Variants in SYBU observed in about 807,000 individuals in gnomAD.
SYBU encodes the protein syntabulin, also known as GOLSYN A protein.
SYBU carries 21 observed loss-of-function variants against 35.9 expected under a neutral mutation model. The observed-to-expected ratio is 0.58, with a 90% CI of 0.41 to 0.84. The LOEUF is 0.84. SYBU is among the 40% of genes least tolerant of loss of function. The pLI, the probability that SYBU is intolerant of heterozygous loss-of-function variation, is 0.00. For missense variants in SYBU, 768 were observed against 848.2 expected, an observed-to-expected ratio of 0.91 and a Z score of 1.17; for synonymous variants, 319 against 324.3, an observed-to-expected ratio of 0.98 and a Z score of 0.18.
intron 3 of SYBU, among the ~76,000 whole-genome samples, chr8:109,616,881 G>A (rs1166640979): frequency 6.6e-6 from 1 of 152,038 alleles, no homozygotes; most frequent in Non-Finnish European, 1.5e-5. Flanking sequence ...GCTCATGCCT[G>A]TAATCCCAGC....
At position 109,575,308 on chromosome 8, in the gene SYBU, C is replaced by T. The variant is rs1325137165; in HGVS notation, c.1590G>A (p.Glu530=). The part of the protein sequence containing the change: ...SPDESEPDSM[E]SFPESLSALV... ...AGGCAGAGAGGGACTCTGGGAAGCTCTCCATCGAGTCTGGTTCAGACTCAT... is the reference window on the plus strand; with the variant it reads ...AGGCAGAGAGGGACTCTGGGAAGCTTTCCATCGAGTCTGGTTCAGACTCAT... The change falls in exon 7 of 7, where the codon GAG becomes GAA. Residue 530 remains glutamate (E), a synonymous_variant. Transcript: ENST00000276646. The T allele has an allele frequency of 9.3e-6, 15 of 1,614,102 alleles. No individual in the cohort carries two copies. In the South Asian group the frequency reaches 1.4e-4, roughly 15 times the overall value.
At chr8:109,643,292 T>A (rs1219612254) in intron 1 of SYBU, 1 of 534,212 alleles carries the variant, frequency 1.9e-6, no homozygotes, top group Non-Finnish European at 2.4e-6. Context: ...GGCTCTTTAT[T>A]AACACCACAC....
Position 109,575,681 on chromosome 8 carries a change from G to T in SYBU, c.1217C>A (p.Pro406His), listed in dbSNP as rs141149968. The T allele has an allele frequency of 2.4e-5, 38 of 1,614,002 alleles. No homozygotes were observed. Among genetic ancestry groups the T allele is most frequent in the South Asian group, 2.1e-4 (19 of 91,080 alleles). The stretch of plus-strand genomic sequence containing the variant: ...TAACCCATCTGCCATTGTGTCAAGA[G>T]GGGGGTTGAGGGTTAAGCTCTTCTC... ...SPEKSLTLNPPLDTMADGLSL... is the reference protein window; with the variant it reads ...SPEKSLTLNPHLDTMADGLSL... Residue 406 changes from proline (P) to histidine (H), a missense_variant, in exon 7 of 7, where the codon CCT becomes CAT. Pro to His is a moderately conservative substitution (Grantham distance 77). Coordinates refer to ENST00000276646, the MANE Select transcript of SYBU (RefSeq NM_001099754.2).
rs139331471 is a variant in SYBU, at chr8:109,616,749, A to G, written c.427+2093T>C. Among the ~76,000 whole-genome samples the G allele has an allele frequency of 6.1e-3, 861 of 140,162 alleles. 4 individuals carry two copies. Among genetic ancestry groups the G allele is most frequent in the African/African-American group, 0.02 (743 of 37,530 alleles). The allele number at this position is 140,162 out of a possible 152,430, so 92.0% of individuals were successfully genotyped here. A position where few individuals can be genotyped will look rare whatever the true frequency, so the allele number is the denominator to read the frequency against. ...CTGACATTCTTTCCTACATCATTTT[A>G]TCTTCTGAATCCCATAGCCTACCTT... On this transcript the variant is annotated intron_variant, in intron 3 of 6. Transcript: ENST00000276646.
intron 1 of SYBU, among the ~76,000 whole-genome samples, chr8:109,678,370 A>T (rs1586996339): frequency 6.6e-6 from 1 of 151,520 alleles, no homozygotes; most frequent in Non-Finnish European, 1.5e-5. Flanking sequence ...TTGTCTTATA[A>T]GTAGATAATG....
chr8:109,617,454 T>G (rs1811936432), intron 3 of SYBU, among the ~76,000 whole-genome samples: 2 of 152,178 alleles, frequency 1.3e-5, no homozygotes, highest in African/African-American at 4.8e-5. Context: ...ATTGAACACT[T>G]TATAGGGTGA....
At chr8:109,674,251 G>GA (rs57756111) in intron 1 of SYBU, among the ~76,000 whole-genome samples, 91,857 of 145,268 alleles carry the variant, frequency 0.63, 28,858 homozygotes, top group Middle Eastern at 0.7. Context: ...AGGTTGAAAT[G>GA]AAAAAAAAAA....
At chr8:109,671,831 C>T (rs1337232586) in intron 1 of SYBU, among the ~76,000 whole-genome samples, 2 of 152,118 alleles carry the variant, frequency 1.3e-5, no homozygotes, top group Non-Finnish European at 2.9e-5. Flanking sequence ...ATGTTTCTCT[C>T]TACTTGAATT....
intron 1 of SYBU, among the ~76,000 whole-genome samples, chr8:109,677,868 C>T (rs1817246830): frequency 6.6e-6 from 1 of 152,044 alleles, no homozygotes; most frequent in South Asian, 2.1e-4. Context: ...AGTCCGGGAG[C>T]TCACACCTGT....
chr8:109,575,654 G>T lies in SYBU; in HGVS notation c.1244C>A (p.Ser415Tyr). Residue 415 changes from serine (S) to tyrosine (Y), a missense_variant, in exon 7 of 7, where the codon TCT becomes TAT. Ser to Tyr is a moderately radical substitution (Grantham distance 144). Coordinates refer to ENST00000276646, the MANE Select transcript of SYBU (RefSeq NM_001099754.2). ...TTCCCCCGTGACCTGCTCTTCCAGA[G>T]ATAACCCATCTGCCATTGTGTCAAG... The part of the protein sequence containing the change: ...PPLDTMADGL[S>Y]LEEQVTGEGA... The T allele has an allele frequency of 6.2e-7, 1 of 1,614,092 alleles. No individual in the cohort carries two copies. The highest frequency in any genetic ancestry group is 8.5e-7 in the Non-Finnish European group (1 of 1,180,008).
rs1450381240 is a variant in SYBU, at chr8:109,575,452, C to T, written c.1446G>A (p.Val482=). The T allele has an allele frequency of 1.2e-6, 2 of 1,614,036 alleles. No individual in the cohort carries two copies. Among genetic ancestry groups the T allele is most frequent in the Non-Finnish European group, 1.7e-6 (2 of 1,180,054 alleles). ...CGGTCTGAACGGCTCGCTCCACCAC[C>T]ACACTGCCCTCCTCCTGACCCATGA... ...PIVMGQEEGS[V]VVERAVQTDV... The change falls in exon 7 of 7, where the codon GTG becomes GTA. Residue 482 remains valine (V), a synonymous_variant. Transcript: ENST00000276646.
intron 3 of SYBU, among the ~76,000 whole-genome samples, chr8:109,614,684 T>C (rs1476453208): frequency 6.6e-6 from 1 of 152,212 alleles, no homozygotes; most frequent in Non-Finnish European, 1.5e-5. Flanking sequence ...AGACACAAAT[T>C]AGGCTCTGCA....
chr8:109,576,096 A>AGGCAGTTCT, intron 6 of SYBU, 83 bp from the exon 7 acceptor site: 1 of 1,428,878 alleles, frequency 7.0e-7, no homozygotes, highest in South Asian at 1.5e-5. Flanking sequence ...CAGGCAGTTC[A>AGGCAGTTCT]GGCAGTTCTG....
intron 3 of SYBU, among the ~76,000 whole-genome samples, chr8:109,615,204 G>T (rs1811601263): frequency 6.6e-6 from 1 of 152,106 alleles, no homozygotes; most frequent in African/African-American, 2.4e-5. Context: ...GCCACTAATT[G>T]CTTGCTATTT....
chr8:109,580,667 G>T (rs1361193563), intron 4 of SYBU: 1 of 152,626 alleles, frequency 6.6e-6, no homozygotes, highest in Admixed American at 6.5e-5. Context: ...CCAGTAGAAG[G>T]TTGGCTTGTG....
intron 2 of SYBU, among the ~76,000 whole-genome samples, chr8:109,626,021 A>T (rs1443351985): frequency 6.6e-6 from 1 of 152,212 alleles, no homozygotes. Flanking sequence ...GTCTTAATTT[A>T]CATGTATTTA....
intron 2 of SYBU, among the ~76,000 whole-genome samples, chr8:109,632,507 G>A (rs993569279): frequency 1.3e-5 from 2 of 152,168 alleles, no homozygotes; most frequent in South Asian, 4.1e-4. Flanking sequence ...TCAAGATAGA[G>A]TAAGGGATAA....
At chr8:109,688,771 TAA>T (rs370179411) in intron 1 of SYBU, among the ~76,000 whole-genome samples, 2 of 137,436 alleles carry the variant, frequency 1.5e-5, no homozygotes, top group African/African-American at 2.7e-5. Flanking sequence ...TTTACACAGA[TAA>T]AAAAAAAAAG....
chr8:109,575,756 CT>C lies in SYBU; in HGVS notation c.1141del (p.Ser381ValfsTer4). On this transcript the variant is annotated frameshift_variant, in exon 7 of 7. Coordinates refer to ENST00000276646, the MANE Select transcript of SYBU (RefSeq NM_001099754.2). LOFTEE classifies it low-confidence loss of function (END_TRUNC). ...GCACAGTTCGTCCCTCAGAGAGCCA[CT>C]GTGTGCCATCTCCATGCTCTGAAGG... Reference protein sequence around the residue: ...SLLQSMEMAHSGSLRDELCLD... With the variant: ...SLLQSMEMAHXGSLRDELCLD... 6.2e-7 allele frequency: 1 copy of C among 1,614,184 alleles called. No individual in the cohort carries two copies. Among genetic ancestry groups the C allele is most frequent in the Non-Finnish European group, 8.5e-7 (1 of 1,180,028 alleles).
Sources: allele counts gnomAD v4.1 joint callset (sites outside exome capture counted in the v4.1 genomes callset), GRCh38; gene constraint gnomAD v4.1.1; transcripts MANE v1.5; gene names NCBI Gene and HGNC (gene_info 2026-07-23, HGNC 2026-07-21).